The following SHE variants were observed in gnomAD, a reference collection of about 807,000 sequenced individuals.
SHE encodes the protein SH2 domain-containing adapter protein E.
A neutral mutation model predicts 49.8 loss-of-function variants in SHE; 11 were observed. The observed-to-expected ratio is 0.22, with a 90% CI of 0.14 to 0.37. SHE has a LOEUF of 0.37. Among genes scored for constraint, SHE ranks in the 10% least tolerant of loss-of-function variants. The probability of loss-of-function intolerance (pLI) is 1.00; values close to 1 mark genes in which losing one functional copy is unlikely to be tolerated. For synonymous variants in SHE, 310 were observed against 278.1 expected, an observed-to-expected ratio of 1.11 and a Z score of -1.14; for missense variants, 624 against 655.5, an observed-to-expected ratio of 0.95 and a Z score of 0.52.
Position 154,483,850 on chromosome 1 carries a change from T to C in SHE, c.*299A>G. On this transcript the variant is annotated 3_prime_UTR_variant, in exon 6 of 6. Transcript: ENST00000304760. ...CTACTAAAAATACAAAAAAAAAAATTAGCTGGGAGTGGTGGTGCGAACCTA... is the reference window on the plus strand; with the variant it reads ...CTACTAAAAATACAAAAAAAAAAATCAGCTGGGAGTGGTGGTGCGAACCTA... 1 of 843,794 alleles carries C rather than the reference T, an allele frequency of 1.2e-6. No homozygotes were observed. Among genetic ancestry groups the C allele is most frequent in the Non-Finnish European group, 1.5e-6 (1 of 666,778 alleles). The allele number at this position is 843,794 out of a possible 1,614,324, so 52.3% of individuals were successfully genotyped here. A position where few individuals can be genotyped will look rare whatever the true frequency, so the allele number is the denominator to read the frequency against.
intron 2 of SHE, among the ~76,000 whole-genome samples, chr1:154,494,171 G>C (rs944620381): frequency 3.3e-5 from 5 of 151,978 alleles, no homozygotes; most frequent in Admixed American, 6.6e-5. Context: ...TCATATCTTT[G>C]ATCAGTGCTC....
intron 1 of SHE, among the ~76,000 whole-genome samples, chr1:154,499,673 A>C (rs947847512): frequency 1.5e-4 from 23 of 152,176 alleles, no homozygotes; most frequent in African/African-American, 5.1e-4. Context: ...TCAGTCATCC[A>C]CCAGCACTGG....
Position 154,479,663 on chromosome 1 carries a change from T to C in SHE, c.*4486A>G. 2 of 977,552 alleles carry C rather than the reference T, an allele frequency of 2.0e-6. No homozygotes were observed. The highest frequency in any genetic ancestry group is 1.2e-6 in the Non-Finnish European group (1 of 822,750). The allele number at this position is 977,552 out of a possible 1,614,324, so 60.6% of individuals were successfully genotyped here. On this transcript the variant is annotated 3_prime_UTR_variant, in exon 6 of 6. Coordinates refer to ENST00000304760, the MANE Select transcript of SHE (RefSeq NM_001010846.3). ...TACAATCTTCAAACATTTTTAAAAG[T>C]TGAAACTATGTATTAGTTGATATCT...
rs1036862217 is a variant in SHE, at chr1:154,483,190, T to C, written c.*959A>G. 13 of 985,442 alleles carry C rather than the reference T, an allele frequency of 1.3e-5. No individual in the cohort carries two copies. Among genetic ancestry groups the C allele is most frequent in the Non-Finnish European group, 1.4e-5 (12 of 829,938 alleles). The allele number at this position is 985,442 out of a possible 1,614,324, so 61.0% of individuals were successfully genotyped here. ...CCTGGGGTATCTTCCTTCCTATTTATGCTTATCTCACTGATTTGCTAAAAA... is the reference window on the plus strand; with the variant it reads ...CCTGGGGTATCTTCCTTCCTATTTACGCTTATCTCACTGATTTGCTAAAAA... On this transcript the variant is annotated 3_prime_UTR_variant, in exon 6 of 6. Transcript: ENST00000304760.
Position 154,501,946 on chromosome 1 carries a change from G to C in SHE, c.81C>G (p.Leu27=). The C allele has an allele frequency of 6.9e-7, 1 of 1,458,158 alleles. No homozygotes were observed. Among genetic ancestry groups the C allele is most frequent in the South Asian group, 1.4e-5 (1 of 72,974 alleles). The allele number at this position is 1,458,158 out of a possible 1,614,324, so 90.3% of individuals were successfully genotyped here. A position where few individuals can be genotyped will look rare whatever the true frequency, so the allele number is the denominator to read the frequency against. The change falls in exon 1 of 6, where the codon CTC becomes CTG. Residue 27 remains leucine, a synonymous_variant. Transcript: ENST00000304760. ...SSLACSTAPT[L]LGRAGRGPLM... ...GGGGGCCCCGGCCGGCTCGGCCCAG[G>C]AGCGTCGGGGCCGTGGAGCAGGCGA...
chr1:154,488,108 A>AT (rs1163229129), intron 3 of SHE, among the ~76,000 whole-genome samples: 3 of 150,918 alleles, frequency 2.0e-5, no homozygotes, highest in African/African-American at 7.3e-5. Flanking sequence ...ACACCCAGGT[A>AT]TTTTTTGTAT....
intron 1 of SHE, among the ~76,000 whole-genome samples, chr1:154,500,298 T>C (rs1032317536): frequency 6.6e-6 from 1 of 152,232 alleles, no homozygotes; most frequent in African/African-American, 2.4e-5. Context: ...GCTTGTGATC[T>C]AGTCACACAG....
intron 2 of SHE, among the ~76,000 whole-genome samples, chr1:154,494,628 T>C (rs537601736): frequency 1.5e-4 from 23 of 152,080 alleles, no homozygotes; most frequent in African/African-American, 5.5e-4. Context: ...AAAAATAAAA[T>C]TTTAAAAATA....
In SHE at chr1:154,501,493, G is replaced by C. The variant is rs918875472; in HGVS notation, c.534C>G (p.Ser178=). Residue 178 remains serine (S), a synonymous_variant, in exon 1 of 6, where the codon TCC becomes TCG. Transcript: ENST00000304760. ...SSSSSSSASS[S]PSSLGPELDK... ...CCAGCTCGGGCCCCAGGGAGGAAGG[G>C]GAAGAGGACGCGGAGGAAGAGGAGC... The C allele has an allele frequency of 1.2e-6, 2 of 1,614,198 alleles. No individual in the cohort carries two copies. Among genetic ancestry groups the C allele is most frequent in the Non-Finnish European group, 1.7e-6 (2 of 1,180,034 alleles).
chr1:154,488,677 CTT>C (rs1457832934), intron 3 of SHE, among the ~76,000 whole-genome samples: 4 of 152,328 alleles, frequency 2.6e-5, no homozygotes, highest in South Asian at 2.1e-4. Context: ...ACCTCCGCCT[CTT>C]GAGTTCAAGC....
At chr1:154,472,127 T>C (rs1691760814) in intron 1 of SHE, among the ~76,000 whole-genome samples, 1 of 26,672 alleles carries the variant, frequency 3.7e-5, no homozygotes, top group African/African-American at 4.2e-5. Flanking sequence ...GAGCACTCTG[T>C]CTCAAAAAAA....
chr1:154,495,871 G>A (rs1035602308), intron 2 of SHE, among the ~76,000 whole-genome samples: 2 of 152,132 alleles, frequency 1.3e-5, no homozygotes, highest in African/African-American at 4.8e-5. Flanking sequence ...TGCAAAGAAT[G>A]GCAACACAGA....
intron 1 of SHE, among the ~76,000 whole-genome samples, chr1:154,472,311 G>A (rs1343913492): frequency 5.3e-5 from 8 of 152,216 alleles, no homozygotes; most frequent in African/African-American, 1.9e-4. Context: ...CACCACTCAC[G>A]CAGGCAGCGT....
At chr1:154,488,971 G>A in intron 3 of SHE, 80 bp downstream of exon 3, 1 of 1,478,270 alleles carries the variant, frequency 6.8e-7, no homozygotes. Context: ...GTACCCACAA[G>A]GAAAAAAACA....
chr1:154,476,939 T>G (rs1219270667), downstream of SHE, among the ~76,000 whole-genome samples: 2 of 152,238 alleles, frequency 1.3e-5, no homozygotes, highest in African/African-American at 2.4e-5. Context: ...CAGTGATTCA[T>G]ACTACATGAT....
At chr1:154,491,128 A>G (rs930680857) in intron 2 of SHE, among the ~76,000 whole-genome samples, 11 of 152,144 alleles carry the variant, frequency 7.2e-5, no homozygotes, top group African/African-American at 2.7e-4. Flanking sequence ...TGGCTCTTCT[A>G]AACGCCCATC....
chr1:154,495,462 A>G (rs1010506289), intron 2 of SHE, among the ~76,000 whole-genome samples: 4 of 152,164 alleles, frequency 2.6e-5, no homozygotes, highest in Non-Finnish European at 5.9e-5. Flanking sequence ...TAACTTTTAA[A>G]AGTTAAGAGC....
intron 1 of SHE, 143 bp downstream of exon 1, chr1:154,501,293 A>G: frequency 1.4e-6 from 1 of 737,182 alleles, no homozygotes; most frequent in Non-Finnish European, 2.3e-6. Flanking sequence ...TTAAATGGTC[A>G]GGAATTCCCA....
chr1:154,493,172 T>C (rs1692419975), intron 2 of SHE, among the ~76,000 whole-genome samples: 1 of 152,238 alleles, frequency 6.6e-6, no homozygotes, highest in African/African-American at 2.4e-5. Context: ...TGCAGGGTCC[T>C]GGGATTAGGC....
Sources: allele counts gnomAD v4.1 joint callset (sites outside exome capture counted in the v4.1 genomes callset), GRCh38; gene constraint gnomAD v4.1.1; transcripts MANE v1.5; gene names NCBI Gene and HGNC (gene_info 2026-07-23, HGNC 2026-07-21).